NRG1: variants seen among roughly 807,000 people sequenced by gnomAD.
The protein encoded by NRG1 is neuregulin 1.
Under a neutral mutation model 63.8 loss-of-function variants are expected in NRG1, and 18 were observed. The ratio of observed to expected loss-of-function variants is 0.28; its 90% CI spans 0.19 to 0.42. The LOEUF is 0.42. NRG1 is among the 10% of genes least tolerant of loss of function. NRG1 has a pLI of 1.00. For synonymous variants in NRG1, 302 were observed against 301.3 expected (o/e 1.00, Z -0.02); for missense variants, 762 against 814.7 (o/e 0.94, Z 0.79).
chr8:32,180,050 C>T (rs368914675), intron 1 of NRG1, among the ~76,000 whole-genome samples: 6 of 152,136 alleles, frequency 3.9e-5, no homozygotes, highest in African/African-American at 1.2e-4. Flanking sequence ...TCTTTTCTTA[C>T]TCTTTTATTT....
chr8:31,991,660 T>G (rs538355271), intron 1 of NRG1, among the ~76,000 whole-genome samples: 12 of 152,142 alleles, frequency 7.9e-5, no homozygotes, highest in African/African-American at 2.9e-4. Flanking sequence ...ACCCACACTC[T>G]TCCCTCTGCC....
At chr8:31,725,181 T>C (rs940025596) in intron 1 of NRG1, among the ~76,000 whole-genome samples, 1 of 152,196 alleles carries the variant, frequency 6.6e-6, no homozygotes, top group Non-Finnish European at 1.5e-5. Context: ...CTAGCCTTTC[T>C]CCAGGTGACT....
chr8:32,331,499 C>G (rs1230084092), intron 1 of NRG1, among the ~76,000 whole-genome samples: 1 of 152,030 alleles, frequency 6.6e-6, no homozygotes, highest in Non-Finnish European at 1.5e-5. Flanking sequence ...CCACTGCACT[C>G]CAGCCTGGGT....
chr8:32,742,859 A>T lies in NRG1; in HGVS notation c.691+126A>T. On this transcript the variant is annotated intron_variant, in intron 7 of 11. Coordinates refer to ENST00000356819, the Ensembl canonical transcript of NRG1. The surrounding 1 kb of genome is among the most constrained non-coding windows in gnomAD (Gnocchi z 4.2). ...ATGTGTCTTACCAGATCTAATATTG[A>T]CTGCCTCTGCCTGTCGCATGAGAAC... The T allele has an allele frequency of 6.3e-7, 1 of 1,587,942 alleles. No homozygotes were observed. The highest frequency in any genetic ancestry group is 1.1e-5 in the South Asian group (1 of 88,754).
chr8:32,555,651 C>T lies in NRG1; in HGVS notation c.100+6825C>T, dbSNP rs531105678. Among the ~76,000 whole-genome samples the T allele has an allele frequency of 8.3e-3, 1,268 of 152,038 alleles. 16 individuals carry two copies. The highest frequency in any genetic ancestry group is 0.029 in the African/African-American group (1,204 of 41,470). ...CACGCCCGGCTGATTTTTTGTATTT[C>T]TAGTAGAGACGGGGTTTCACCGTGT... is the stretch of plus-strand genomic sequence containing the variant. On this transcript the variant is annotated intron_variant, in intron 1 of 11. Transcript: ENST00000356819.
Position 32,719,078 on chromosome 8 carries a change from G to A in NRG1, c.503-8871G>A, listed in dbSNP as rs577967759. On this transcript the variant is annotated intron_variant, in intron 5 of 11. Coordinates refer to ENST00000356819, the Ensembl canonical transcript of NRG1. ...CTGATAGTCAATATCCTTTACTTGT[G>A]TTTGACAGTCATGGAAATCTCCCCT... Among the ~76,000 whole-genome samples the A allele has an allele frequency of 2.6e-5, 4 of 152,110 alleles. No individual in the cohort carries two copies. The South Asian group carries it at 8.3e-4, about 32-fold the overall frequency.
chr8:31,657,647 A>T (rs934942050), intron 1 of NRG1, among the ~76,000 whole-genome samples: 2 of 152,214 alleles, frequency 1.3e-5, no homozygotes, highest in Admixed American at 6.5e-5. Context: ...CCTGCACAAG[A>T]TTAGAAGATG....
At chr8:32,161,935 C>T (rs915391907) in intron 1 of NRG1, among the ~76,000 whole-genome samples, 6 of 152,148 alleles carry the variant, frequency 3.9e-5, no homozygotes, top group Admixed American at 2.0e-4. Flanking sequence ...ATTCCATTGG[C>T]CAGAATTCCT....
chr8:31,928,103 C>T (rs1834542673), intron 1 of NRG1, among the ~76,000 whole-genome samples: 1 of 150,348 alleles, frequency 6.7e-6, no homozygotes, highest in African/African-American at 2.4e-5. Flanking sequence ...AAAAGGTGTG[C>T]TCTTTGTAGA....
chr8:31,785,850 G>A (rs1820120397), intron 1 of NRG1, among the ~76,000 whole-genome samples: 1 of 152,146 alleles, frequency 6.6e-6, no homozygotes, highest in South Asian at 2.1e-4. Context: ...TGAAGGCTTG[G>A]ATACCTCCGT....
chr8:32,175,131 C>G (rs930474127), intron 1 of NRG1, among the ~76,000 whole-genome samples: 1 of 152,178 alleles, frequency 6.6e-6, no homozygotes, highest in Non-Finnish European at 1.5e-5. Context: ...AGCTGATCCA[C>G]CATGATCAAG....
chr8:32,263,304 T>C (rs1850581585), intron 1 of NRG1, among the ~76,000 whole-genome samples: 1 of 152,202 alleles, frequency 6.6e-6, no homozygotes, highest in Non-Finnish European at 1.5e-5. Flanking sequence ...AGTACCTAGA[T>C]GGCAGGAGGC....
intron 1 of NRG1, among the ~76,000 whole-genome samples, chr8:31,981,352 A>G (rs1038229243): frequency 1.4e-4 from 22 of 152,046 alleles, no homozygotes; most frequent in Admixed American, 1.1e-3. Context: ...AATGGCTGGT[A>G]GTTGGAGTGT....
chr8:31,947,723 C>T (rs1156704993), intron 1 of NRG1, among the ~76,000 whole-genome samples: 2 of 151,894 alleles, frequency 1.3e-5, no homozygotes, highest in East Asian at 1.9e-4. Context: ...GCAGGTGGAT[C>T]GTCTGAGCTC....
intron 1 of NRG1, among the ~76,000 whole-genome samples, chr8:31,832,247 TA>T: frequency 7.9e-6 from 1 of 126,236 alleles, no homozygotes; most frequent in African/African-American, 2.6e-5. Context: ...TTAAATGCTC[TA>T]GTTTTTTTTT....
At chr8:31,873,551 T>C (rs1005670400) in intron 1 of NRG1, among the ~76,000 whole-genome samples, 1 of 152,096 alleles carries the variant, frequency 6.6e-6, no homozygotes, top group African/African-American at 2.4e-5. Context: ...ACAGCGAGAC[T>C]CCGTCTGAAA....
intron 1 of NRG1, among the ~76,000 whole-genome samples, chr8:32,219,053 C>T (rs1310418463): frequency 1.3e-5 from 2 of 152,148 alleles, no homozygotes; most frequent in Non-Finnish European, 2.9e-5. Context: ...GCAGCTTTTC[C>T]TGCTTACACA....
chr8:32,653,905 C>G (rs1406538859), intron 5 of NRG1, among the ~76,000 whole-genome samples: 1 of 152,072 alleles, frequency 6.6e-6, no homozygotes, highest in Non-Finnish European at 1.5e-5. Context: ...TAATCCTCAT[C>G]ATCTCAAAGC....
At chr8:32,031,579 C>A (rs1818261953) in intron 1 of NRG1, among the ~76,000 whole-genome samples, 1 of 152,084 alleles carries the variant, frequency 6.6e-6, no homozygotes, top group Non-Finnish European at 1.5e-5. Flanking sequence ...AGGCAGCAAC[C>A]CACATTAGTT....
Sources: allele counts gnomAD v4.1 joint callset (sites outside exome capture counted in the v4.1 genomes callset), GRCh38; gene constraint gnomAD v4.1.1; non-coding constraint Gnocchi (gnomAD v3.1); transcripts MANE v1.5; gene names NCBI Gene and HGNC (gene_info 2026-07-23, HGNC 2026-07-21).